CSPG4: variants seen among roughly 807,000 people sequenced by gnomAD.
CSPG4 encodes the protein chondroitin sulfate proteoglycan 4 (melanoma-associated).
Under a neutral mutation model 139.3 loss-of-function variants are expected in CSPG4, and 74 were observed. The ratio of observed to expected loss-of-function variants is 0.53; its 90% confidence interval spans 0.44 to 0.64. CSPG4 has a LOEUF of 0.64. Ranked by LOEUF, CSPG4 falls within the 30% of genes least tolerant of loss-of-function variation. The pLI is 0.00. For missense variants in CSPG4, 2,565 were observed against 3,148.3 expected (o/e 0.81, Z 4.43); for synonymous variants, 1,234 against 1,394.2 (o/e 0.89, Z 2.56).
rs137915506 is a variant in CSPG4, at chr15:75,688,362, G to A, written c.2703C>T (p.Val901=). The A allele has an allele frequency of 8.1e-6, 13 of 1,613,360 alleles. No homozygotes were observed. Among genetic ancestry groups the A allele is most frequent in the African/African-American group, 6.7e-5 (5 of 75,068 alleles). Reference sequence around the variant, plus strand: ...GCACCACGAGGAGGACATTGGTGAGGACAGGCGCATCTGGGTCACCACCAA... The same window carrying A: ...GCACCACGAGGAGGACATTGGTGAGAACAGGCGCATCTGGGTCACCACCAA... The part of the protein sequence containing the change: ...IHIGGDPDAP[V]LTNVLLVVPE... Residue 901 remains valine, a synonymous_variant, in exon 3 of 10, where the codon GTC becomes GTT. Transcript: ENST00000308508.
rs952046119 is a variant in CSPG4 at position 75,698,422 on chromosome 15, T to C, written c.89-5189A>G. On this transcript the variant is annotated intron_variant, in intron 1 of 9. Coordinates refer to ENST00000308508, the MANE Select transcript of CSPG4 (RefSeq NM_001897.5). This position sits in a 1 kb window ranked among gnomAD's most constrained non-coding sequence, Gnocchi z 4.3. ...CCCCAGCAGCGGACCCTCCCTGAGG[T>C]CACCTGGCCCTCTAGACCTCAGGTC... Among the ~76,000 whole-genome samples the C allele has an allele frequency of 3.3e-5, 5 of 151,442 alleles. No homozygotes were observed. Among genetic ancestry groups the C allele is most frequent in the African/African-American group, 1.2e-4 (5 of 41,110 alleles).
intron 9 of CSPG4, 133 bp downstream of exon 9, chr15:75,677,570 A>C (rs1596005444): frequency 8.1e-7 from 1 of 1,232,064 alleles, no homozygotes; most frequent in Non-Finnish European, 1.1e-6. Flanking sequence ...AAGCTTCCCC[A>C]CTCACCCTCC....
chr15:75,682,596 A>G lies in CSPG4; in HGVS notation c.4783+11T>C, dbSNP rs768379105. 1.9e-6 allele frequency: 3 copies of G among 1,612,620 alleles called. No homozygotes were observed. Among genetic ancestry groups the G allele is most frequent in the Non-Finnish European group, 2.5e-6 (3 of 1,179,750 alleles). On this transcript the variant is annotated intron_variant, in intron 7 of 9. Transcript: ENST00000308508. ...CTGGCACCCAGGAATGCCCATGATC[A>G]GCACACCCACCTGGGCAGACAGTCA...
rs753645133 is a variant in CSPG4, at chr15:75,688,055, G to A, written c.3010C>T (p.Arg1004Trp). 2.4e-5 allele frequency: 39 copies of A among 1,612,488 alleles called. No homozygotes were observed. Among genetic ancestry groups the A allele is most frequent in the Non-Finnish European group, 3.0e-5 (35 of 1,179,802 alleles). Reference protein sequence around the residue: ...SSGDMAWEEVRGVFRVAIQPV... With the variant: ...SSGDMAWEEVWGVFRVAIQPV... ...TGGATGGCCACTCGGAAGACACCCC[G>A]TACCTCCTCCCAGGCCATGTCACCA... Residue 1004 changes from arginine (R) to tryptophan (W), a missense_variant, in exon 3 of 10, where the codon CGG (arginine) becomes TGG (tryptophan). Arg to Trp is a moderately radical substitution (Grantham distance 101). Around this residue, in one of 5 missense-constraint regions of CSPG4, gnomAD observed 2,316 missense variants for 2,818.2 expected, o/e 0.82. Coordinates refer to ENST00000308508, the MANE Select transcript of CSPG4 (RefSeq NM_001897.5).
chr15:75,682,165 T>A, intron 8 of CSPG4, 128 bp downstream of exon 8: 1 of 1,233,640 alleles, frequency 8.1e-7, no homozygotes, highest in Non-Finnish European at 1.2e-6. Context: ...GCCTGGACAA[T>A]GGCAGGCCCG....
Position 75,696,015 on chromosome 15 carries a change from G to A in CSPG4, c.89-2782C>T, listed in dbSNP as rs1894222985. Among the ~76,000 whole-genome samples, 1 of 152,184 alleles carries A rather than the reference G, an allele frequency of 6.6e-6. No homozygotes were observed. Among genetic ancestry groups the A allele is most frequent in the South Asian group, 2.1e-4 (1 of 4,828 alleles). On this transcript the variant is annotated intron_variant, in intron 1 of 9. Transcript: ENST00000308508. The surrounding 1 kb of genome is among the most constrained non-coding windows in gnomAD (Gnocchi z 4.2). The stretch of plus-strand genomic sequence containing the variant: ...AGGTTGTGGGGAGACATTGGCACAG[G>A]CTGGATCAGACCTGCCGTTGATTCT...
At position 75,687,705 on chromosome 15, in the gene CSPG4, C is replaced by T. The variant is rs1894082010; in HGVS notation, c.3360G>A (p.Val1120=). 4 of 1,612,782 alleles carry T rather than the reference C, an allele frequency of 2.5e-6. No individual in the cohort carries two copies. The Admixed American group carries it at 5.0e-5, about 20-fold the overall frequency. ...CACGGAGGTAGGGTTCCGAGGCCTG[C>T]ACCTCCAGCAGCGCAGTGGCCTGGT... ...GQHQATALLE[V]QASEPYLRVA... Residue 1120 remains valine, a synonymous_variant, in exon 3 of 10, where the codon GTG becomes GTA. Transcript: ENST00000308508. This position sits in a 1 kb window ranked among gnomAD's most constrained non-coding sequence, Gnocchi z 5.4.
chr15:75,690,935 G>C, intron 2 of CSPG4, 123 bp from the exon 3 acceptor site: 1 of 1,099,176 alleles, frequency 9.1e-7, no homozygotes, highest in Non-Finnish European at 1.3e-6. Flanking sequence ...AGCACTTTGG[G>C]AGGCCAAGGC....
intron 1 of CSPG4, among the ~76,000 whole-genome samples, chr15:75,695,979 G>A (rs1447170569): frequency 6.6e-6 from 1 of 152,192 alleles, no homozygotes; most frequent in Admixed American, 6.5e-5. Context: ...ACTGGGGCGG[G>A]GGGATGGAGG....
At position 75,696,627 on chromosome 15, in the gene CSPG4, G is replaced by A. The variant is rs1211841913; in HGVS notation, c.89-3394C>T. Among the ~76,000 whole-genome samples, 2 of 152,104 alleles carry A rather than the reference G, an allele frequency of 1.3e-5. No individual in the cohort carries two copies. Among genetic ancestry groups the A allele is most frequent in the Admixed American group, 6.5e-5 (1 of 15,290 alleles). ...TGGCTGGGCCTGGCTCCATGAAAGG[G>A]GCTGTGTGTTCTTGGAGGGTTCCTG... On this transcript the variant is annotated intron_variant, in intron 1 of 9. Coordinates refer to ENST00000308508, the MANE Select transcript of CSPG4 (RefSeq NM_001897.5). This position sits in a 1 kb window ranked among gnomAD's most constrained non-coding sequence, Gnocchi z 4.2.
chr15:75,677,532 T>A, intron 9 of CSPG4, 148 bp from the exon 10 acceptor site: 7 of 1,201,830 alleles, frequency 5.8e-6, no homozygotes, highest in Non-Finnish European at 6.9e-6. Context: ...CCCAGGAGGA[T>A]AAGGACTATG....
chr15:75,690,192 G>C lies in CSPG4; in HGVS notation c.873C>G (p.Ile291Met). Residue 291 changes from isoleucine (I) to methionine (M), a missense_variant, in exon 3 of 10, where the codon ATC becomes ATG. This residue lies in a region of CSPG4 where 2,316 missense variants were observed against 2,818.2 expected (regional missense o/e 0.82). Coordinates refer to ENST00000308508, the MANE Select transcript of CSPG4 (RefSeq NM_001897.5). ...DGQPHEVSVHINAHRLEISVD... is the reference protein window; with the variant it reads ...DGQPHEVSVHMNAHRLEISVD... Reference sequence around the variant, plus strand: ...CGGAGATTTCCAGCCGGTGAGCATTGATGTGGACACTGACCTCATGGGGCT... The same window carrying C: ...CGGAGATTTCCAGCCGGTGAGCATTCATGTGGACACTGACCTCATGGGGCT... 6.2e-7 allele frequency: 1 copy of C among 1,613,362 alleles called. No homozygotes were observed.
Position 75,689,268 on chromosome 15 carries a change from A to G in CSPG4, c.1797T>C (p.Ser599=). ...GLTFQVLGTS[S]GLPVERRDQP... is the part of the protein sequence containing the mutation. ...GGTCTCGGCGCTCCACGGGGAGGCC[A>G]GAGGAGGTGCCAAGGACCTGGAAGG... is the stretch of plus-strand genomic sequence containing the variant. The change falls in exon 3 of 10, where the codon TCT becomes TCC. Residue 599 remains serine (S), a synonymous_variant. Transcript: ENST00000308508. The G allele has an allele frequency of 6.2e-7, 1 of 1,610,740 alleles. No homozygotes were observed. The highest frequency in any genetic ancestry group is 1.3e-5 in the African/African-American group (1 of 75,004).
At chr15:75,681,151 G>A (rs1043973596) in intron 8 of CSPG4, among the ~76,000 whole-genome samples, 5 of 152,214 alleles carry the variant, frequency 3.3e-5, no homozygotes, top group African/African-American at 1.2e-4. Context: ...CATAGCAGGA[G>A]TGGGGAGCCA....
intron 3 of CSPG4, among the ~76,000 whole-genome samples, chr15:75,686,535 G>T (rs1894061237): frequency 6.6e-6 from 1 of 151,476 alleles, no homozygotes; most frequent in South Asian, 2.1e-4. Context: ...CTATGCATTT[G>T]CCCGGAATGT....
At chr15:75,706,034 C>T (rs774252618) in intron 1 of CSPG4, among the ~76,000 whole-genome samples, 109 of 152,240 alleles carry the variant, frequency 7.2e-4, no homozygotes, top group Non-Finnish European at 1.2e-3. Flanking sequence ...GGCCTCAGGC[C>T]TGCCTGGCTG....
chr15:75,691,200 GT>G (rs1450284746), intron 2 of CSPG4, among the ~76,000 whole-genome samples: 2 of 152,150 alleles, frequency 1.3e-5, no homozygotes, highest in Admixed American at 6.5e-5. Flanking sequence ...AAAAAGCATA[GT>G]GAGTTCCCCA....
At chr15:75,678,752 C>T (rs749765050) in intron 8 of CSPG4, 3 of 456,194 alleles carry the variant, frequency 6.6e-6, no homozygotes, top group African/African-American at 2.0e-5. Flanking sequence ...TCCACGCTCT[C>T]CCCCAGGCAT....
chr15:75,706,425 G>A (rs1294419781), intron 1 of CSPG4, among the ~76,000 whole-genome samples: 3 of 152,126 alleles, frequency 2.0e-5, no homozygotes, highest in African/African-American at 4.8e-5. Context: ...GTGTGTGAAT[G>A]TGTATGTGTG....
Sources: gnomAD v4.1 joint callset for allele counts (sites outside exome capture counted in the v4.1 genomes callset) on GRCh38, gnomAD v4.1.1 for gene constraint, gnomAD v4.1.1 regional missense constraint, Gnocchi (gnomAD v3.1) non-coding constraint, MANE v1.5 for transcripts, NCBI Gene and HGNC (gene_info 2026-07-23, HGNC 2026-07-21) for gene names.